Variants in DOCK4 observed in about 807,000 individuals in gnomAD.
DOCK4 encodes the protein dedicator of cytokinesis protein 4.
Under a neutral mutation model 268.1 loss-of-function variants are expected in DOCK4, and 97 were observed. The observed-to-expected ratio is 0.36, with a 90% CI of 0.31 to 0.43. DOCK4 has a LOEUF of 0.43. DOCK4 is among the 20% of genes least tolerant of loss of function. DOCK4 has a pLI of 1.00. For missense variants in DOCK4, 2,145 were observed against 2,455.7 expected (o/e 0.87, Z 2.67); for synonymous variants, 954 against 887.2 (o/e 1.08, Z -1.34).
chr7:111,756,960 G>A (rs1461077893), intron 41 of DOCK4, among the ~76,000 whole-genome samples: 1 of 152,108 alleles, frequency 6.6e-6, no homozygotes, highest in Non-Finnish European at 1.5e-5. Context: ...CCAGCCTGCG[G>A]GAGGAGGACA....
At chr7:111,753,400 G>A (rs752389967) in intron 42 of DOCK4, among the ~76,000 whole-genome samples, 6 of 152,060 alleles carry the variant, frequency 3.9e-5, no homozygotes, top group Non-Finnish European at 5.9e-5. Context: ...ACTTGAGCCC[G>A]GGAGGTCAAG....
intron 8 of DOCK4, among the ~76,000 whole-genome samples, chr7:111,951,255 T>C (rs2134876848): frequency 6.6e-6 from 1 of 152,340 alleles, no homozygotes; most frequent in Non-Finnish European, 1.5e-5. Flanking sequence ...ATGTGTACCC[T>C]GTGCCAGACC....
chr7:111,921,269 T>C lies in DOCK4; in HGVS notation c.1067-5365A>G, dbSNP rs547706945. ...CTGCCATAAAACAACATATGATTCA[T>C]GATTAAGTTCAGCTTACGGAGTGGT... On this transcript the variant is annotated intron_variant, in intron 12 of 52. Coordinates refer to ENST00000428084, the MANE Select transcript of DOCK4 (RefSeq NM_001363540.2). Among the ~76,000 whole-genome samples the C allele has an allele frequency of 1.5e-4, 23 of 152,306 alleles. 1 individual carries two copies. The highest frequency in any genetic ancestry group is 6.5e-4 in the Admixed American group (10 of 15,302).
chr7:112,121,793 G>A (rs1452900756), intron 1 of DOCK4, among the ~76,000 whole-genome samples: 1 of 152,138 alleles, frequency 6.6e-6, no homozygotes, highest in Non-Finnish European at 1.5e-5. Context: ...AGAGACCAGT[G>A]GTTTTGACCC....
intron 1 of DOCK4, among the ~76,000 whole-genome samples, chr7:112,048,389 CAAAA>C (rs59810546): frequency 1.7e-4 from 12 of 72,120 alleles, no homozygotes; most frequent in African/African-American, 4.5e-4. Context: ...ACTAAAAATA[CAAAA>C]AAAAAAAAAA....
At chr7:111,799,834 G>T (rs1045459484) in intron 30 of DOCK4, among the ~76,000 whole-genome samples, 1 of 152,176 alleles carries the variant, frequency 6.6e-6, no homozygotes, top group Middle Eastern at 3.4e-3. Flanking sequence ...TTACATCTTG[G>T]CAAGTAAAGA....
At chr7:112,118,670 T>C (rs781381930) in intron 1 of DOCK4, among the ~76,000 whole-genome samples, 1 of 152,112 alleles carries the variant, frequency 6.6e-6, no homozygotes, top group Non-Finnish European at 1.5e-5. Flanking sequence ...GATGCTAAGA[T>C]CATCTTCTCT....
At chr7:111,950,639 T>C (rs183510023) in intron 8 of DOCK4, among the ~76,000 whole-genome samples, 32 of 152,304 alleles carry the variant, frequency 2.1e-4, no homozygotes, top group African/African-American at 6.5e-4. Context: ...CTGGAAAGTT[T>C]TAATTCTCTC....
At chr7:112,180,183 T>A (rs772099678) in intron 1 of DOCK4, among the ~76,000 whole-genome samples, 4 of 152,118 alleles carry the variant, frequency 2.6e-5, no homozygotes, top group Non-Finnish European at 2.9e-5. Context: ...TCACTAAGCA[T>A]ATGGTAGGGC....
chr7:111,863,075 A>G (rs1052600856), intron 23 of DOCK4: 1 of 304,638 alleles, frequency 3.3e-6, no homozygotes, highest in South Asian at 3.6e-5. Context: ...TTTTAAAAAC[A>G]AAAGAGAAAA....
rs545564764 is a variant in DOCK4 at position 111,761,620 on chromosome 7, G to C, written c.4021-1298C>G. 5.9e-5 allele frequency among the ~76,000 whole-genome samples: 9 copies of C among 152,142 alleles called. No homozygotes were observed. The East Asian group carries it at 9.7e-4, about 16-fold the overall frequency. On this transcript the variant is annotated intron_variant, in intron 39 of 52. Transcript: ENST00000428084. ...GCTCTATGAGGTTCTTATGTAAAACGCCGTAAAGAGGGACTCCAGGCCACA... is the reference window on the plus strand; with the variant it reads ...GCTCTATGAGGTTCTTATGTAAAACCCCGTAAAGAGGGACTCCAGGCCACA...
chr7:111,817,486 C>T (rs553337414), intron 27 of DOCK4, among the ~76,000 whole-genome samples: 77 of 152,218 alleles, frequency 5.1e-4, no homozygotes, highest in African/African-American at 1.7e-3. Flanking sequence ...GCTCTAAGTG[C>T]GGGAAGCTTC....
At chr7:112,079,602 A>G (rs1473465577) in intron 1 of DOCK4, among the ~76,000 whole-genome samples, 2 of 152,206 alleles carry the variant, frequency 1.3e-5, no homozygotes, top group African/African-American at 4.8e-5. Context: ...CCTGTACTAA[A>G]AGAAATGGTA....
intron 26 of DOCK4, among the ~76,000 whole-genome samples, chr7:111,827,002 A>T (rs1802450352): frequency 2.6e-5 from 4 of 152,222 alleles, no homozygotes; most frequent in Admixed American, 2.6e-4. Context: ...GAGTTAAGAC[A>T]TCCATAAAAC....
At chr7:111,738,740 C>A (rs1356486982) in intron 49 of DOCK4, among the ~76,000 whole-genome samples, 12 of 152,132 alleles carry the variant, frequency 7.9e-5, no homozygotes, top group Non-Finnish European at 4.4e-5. Flanking sequence ...GAGTTCGAGA[C>A]CAGCCTGGCC....
In DOCK4 at chr7:111,760,734, C is replaced by CTT. The variant is rs1188017849; in HGVS notation, c.4021-414_4021-413dup. On this transcript the variant is annotated intron_variant, in intron 39 of 52. Transcript: ENST00000428084. The stretch of plus-strand genomic sequence containing the variant: ...GGAGGAAAAGTAAATTTGTTGTCTG[C>CTT]TTTTTGTGTGTGTGTGTGTGTGTGT... Among the ~76,000 whole-genome samples, 17 of 117,588 alleles carry CTT rather than the reference C, an allele frequency of 1.4e-4. No homozygotes were observed. The Admixed American group carries it at 1.5e-3, about 10-fold the overall frequency. The allele number at this position is 117,588 out of a possible 152,430, so 77.1% of individuals were successfully genotyped here. A position where few individuals can be genotyped will look rare whatever the true frequency, so the allele number is the denominator to read the frequency against.
intron 1 of DOCK4, among the ~76,000 whole-genome samples, chr7:112,061,541 C>T (rs1806393750): frequency 6.6e-6 from 1 of 152,070 alleles, no homozygotes; most frequent in African/African-American, 2.4e-5. Context: ...TCTAACACTC[C>T]ATCCTTACAT....
rs553980763 is a variant in DOCK4, at chr7:111,727,995, A to C, written c.*279T>G. On this transcript the variant is annotated 3_prime_UTR_variant, in exon 53 of 53. Coordinates refer to ENST00000428084, the MANE Select transcript of DOCK4 (RefSeq NM_001363540.2). ...TTTTAAGATTAAACTATATAAAAAA[A>C]AGTGAACATAAAAAGGTACAAAAGG... 12 of 346,752 alleles carry C rather than the reference A, an allele frequency of 3.5e-5. No homozygotes were observed. The Admixed American group carries it at 4.7e-4, about 13-fold the overall frequency. The allele number at this position is 346,752 out of a possible 1,614,324, so 21.5% of individuals were successfully genotyped here.
intron 13 of DOCK4, among the ~76,000 whole-genome samples, chr7:111,903,356 T>C (rs1479674090): frequency 6.6e-6 from 1 of 152,180 alleles, no homozygotes; most frequent in Non-Finnish European, 1.5e-5. Flanking sequence ...GTGGAAACAA[T>C]ACAGAGGTCT....
Sources: gnomAD v4.1 joint callset for allele counts (sites outside exome capture counted in the v4.1 genomes callset) on GRCh38, gnomAD v4.1.1 for gene constraint, MANE v1.5 for transcripts, NCBI Gene and HGNC (gene_info 2026-07-23, HGNC 2026-07-21) for gene names.